IGSF11: variants seen among roughly 807,000 people sequenced by gnomAD.
The protein encoded by IGSF11 is immunoglobulin superfamily member 11, also known as CXADR like 1.
IGSF11 carries 22 observed loss-of-function variants against 41.0 expected under a neutral mutation model. The ratio of observed to expected loss-of-function variants is 0.54; its 90% CI spans 0.38 to 0.77. The LOEUF is 0.77. Ranked by LOEUF, IGSF11 falls within the 30% of genes least tolerant of loss-of-function variation. IGSF11 has a pLI of 0.00. For missense variants in IGSF11, 444 were observed against 530.8 expected, an observed-to-expected ratio of 0.84 and a Z score of 1.61; for synonymous variants, 219 against 201.3, an observed-to-expected ratio of 1.09 and a Z score of -0.74.
chr3:118,974,825 C>T (rs569965408), intron 1 of IGSF11, among the ~76,000 whole-genome samples: 1 of 151,966 alleles, frequency 6.6e-6, no homozygotes, highest in African/African-American at 2.4e-5. Flanking sequence ...ATCACTATTA[C>T]TTTCTTCTTT....
At chr3:119,051,771 C>T (rs528637968) in intron 1 of IGSF11, among the ~76,000 whole-genome samples, 1 of 152,106 alleles carries the variant, frequency 6.6e-6, no homozygotes, top group Non-Finnish European at 1.5e-5. Context: ...GAAATTATAT[C>T]AAGTATTCTC....
chr3:119,074,320 G>C lies in IGSF11; in HGVS notation c.49+30824C>G, dbSNP rs1159482816. On this transcript the variant is annotated intron_variant, in intron 1 of 6. Transcript: ENST00000354673. The stretch of plus-strand genomic sequence containing the variant: ...AGAAATAACACCAACTACATTCATG[G>C]ACCACAGTGCAATAAAAAAAGAAAT... Among the ~76,000 whole-genome samples, 3 of 151,888 alleles carry C rather than the reference G, an allele frequency of 2.0e-5. No individual in the cohort carries two copies. The East Asian group carries it at 5.8e-4, about 29-fold the overall frequency.
rs531199817 is a variant in IGSF11, at chr3:119,051,736, A to C, written c.49+53408T>G. Among the ~76,000 whole-genome samples the C allele has an allele frequency of 2.6e-5, 4 of 152,302 alleles. No individual in the cohort carries two copies. The East Asian group carries it at 7.7e-4, about 29-fold the overall frequency. ...TAGACCATATGATAGGTCACAAAAC[A>C]AGTCTCAATAAATTTAAGAAAATTG... is the stretch of plus-strand genomic sequence containing the variant. On this transcript the variant is annotated intron_variant, in intron 1 of 6. Transcript: ENST00000354673.
At chr3:118,919,279 A>C (rs1471885729) in intron 4 of IGSF11, among the ~76,000 whole-genome samples, 1 of 141,332 alleles carries the variant, frequency 7.1e-6, no homozygotes, top group African/African-American at 2.9e-5. Context: ...TAAACTAAAG[A>C]GTTTCTGCAC....
chr3:118,983,945 T>A (rs1934997314), intron 1 of IGSF11, among the ~76,000 whole-genome samples: 2 of 152,302 alleles, frequency 1.3e-5, no homozygotes, highest in South Asian at 4.1e-4. Flanking sequence ...TTCTGCTTTT[T>A]TAGCTTCCGT....
chr3:119,053,970 A>G (rs908137996), intron 1 of IGSF11, among the ~76,000 whole-genome samples: 2 of 152,194 alleles, frequency 1.3e-5, no homozygotes, highest in African/African-American at 4.8e-5. Context: ...CCACATGTAG[A>G]AGAATGAAAC....
intron 1 of IGSF11, among the ~76,000 whole-genome samples, chr3:118,940,798 T>A (rs1036417943): frequency 2.0e-5 from 3 of 151,494 alleles, no homozygotes; most frequent in Non-Finnish European, 4.4e-5. Flanking sequence ...AAAAATTGAT[T>A]CATACATAAA....
Position 118,976,957 on chromosome 3 carries a change from A to G in IGSF11, c.53-46682T>C, listed in dbSNP as rs550276163. Among the ~76,000 whole-genome samples the G allele has an allele frequency of 9.8e-5, 15 of 152,344 alleles. No homozygotes were observed. The South Asian group carries it at 3.1e-3, about 32-fold the overall frequency. Reference sequence around the variant, plus strand: ...TGTCACCCACTTCTGTAGGAAAAAAAGAGATACTGAATTTTACCAGCTGCT... The same window carrying G: ...TGTCACCCACTTCTGTAGGAAAAAAGGAGATACTGAATTTTACCAGCTGCT... On this transcript the variant is annotated intron_variant, in intron 1 of 6. Coordinates refer to ENST00000393775, the MANE Select transcript of IGSF11 (RefSeq NM_001015887.3).
chr3:119,124,093 A>T (rs1217232417), intron 1 of IGSF11, among the ~76,000 whole-genome samples: 1 of 152,168 alleles, frequency 6.6e-6, no homozygotes, highest in Non-Finnish European at 1.5e-5. Flanking sequence ...TGTGTTGAGG[A>T]AATTCAAAGA....
At chr3:119,022,610 GA>G (rs965697762) in intron 1 of IGSF11, among the ~76,000 whole-genome samples, 12 of 152,110 alleles carry the variant, frequency 7.9e-5, no homozygotes, top group Non-Finnish European at 1.8e-4. Context: ...GTAAAAAGGG[GA>G]AAAGGTGCGT....
intron 1 of IGSF11, among the ~76,000 whole-genome samples, chr3:118,959,561 C>T (rs1394629432): frequency 6.6e-6 from 1 of 152,180 alleles, no homozygotes; most frequent in African/African-American, 2.4e-5. Context: ...CCATTCTTAG[C>T]CAGTTGTCAC....
At chr3:118,976,352 T>C (rs1243172958) in intron 1 of IGSF11, among the ~76,000 whole-genome samples, 4 of 152,240 alleles carry the variant, frequency 2.6e-5, no homozygotes, top group Non-Finnish European at 4.4e-5. Context: ...GGCTCAAACC[T>C]TGAAGCTATC....
In IGSF11 at chr3:119,002,564, T is replaced by C. The variant is rs879737775; in HGVS notation, c.52+31967A>G. On this transcript the variant is annotated intron_variant, in intron 1 of 6. Coordinates refer to ENST00000393775, the MANE Select transcript of IGSF11 (RefSeq NM_001015887.3). ...TCCTTGCCCACGCCTATGTCCTGAATGGTAATGCCTAGGTTTTCTTCTAGG... is the reference window on the plus strand; with the variant it reads ...TCCTTGCCCACGCCTATGTCCTGAACGGTAATGCCTAGGTTTTCTTCTAGG... Among the ~76,000 whole-genome samples, 1,134 of 137,346 alleles carry C rather than the reference T, an allele frequency of 8.3e-3. 12 individuals are homozygous for C. The highest frequency in any genetic ancestry group is 0.046 in the East Asian group (217 of 4,674). 90.1% of individuals were successfully genotyped at this position (137,346 alleles called of 152,430 possible).
intron 4 of IGSF11, among the ~76,000 whole-genome samples, chr3:118,909,233 T>C (rs756725496): frequency 9.9e-5 from 15 of 152,138 alleles, no homozygotes; most frequent in Non-Finnish European, 1.5e-4. Flanking sequence ...ATATGACTTA[T>C]ATATTTTAAA....
At chr3:118,940,485 T>C (rs898058431) in intron 1 of IGSF11, among the ~76,000 whole-genome samples, 2 of 152,062 alleles carry the variant, frequency 1.3e-5, no homozygotes, top group Non-Finnish European at 2.9e-5. Flanking sequence ...ATCTGTAAGA[T>C]CTGTGCAATG....
chr3:119,078,995 T>C (rs1407751734), intron 1 of IGSF11, among the ~76,000 whole-genome samples: 2 of 152,054 alleles, frequency 1.3e-5, no homozygotes, highest in African/African-American at 4.8e-5. Flanking sequence ...TCACTAATCA[T>C]TAAAGAAATG....
At chr3:119,110,214 TGTGGG>T (rs1266691435), upstream of IGSF11, among the ~76,000 whole-genome samples, 10 of 152,106 alleles carry the variant, frequency 6.6e-5, no homozygotes, top group African/African-American at 2.4e-4. Flanking sequence ...ATTATTATTG[TGTGGG>T]AGTCTAAGTC....
At chr3:119,106,353 C>T (rs1009304740), upstream of IGSF11, among the ~76,000 whole-genome samples, 6 of 152,268 alleles carry the variant, frequency 3.9e-5, no homozygotes, top group Non-Finnish European at 5.9e-5. Context: ...CATTTCCCCC[C>T]GAACTTCCCA....
intron 1 of IGSF11, among the ~76,000 whole-genome samples, chr3:119,066,413 C>A (rs1222994429): frequency 6.6e-6 from 1 of 152,162 alleles, no homozygotes; most frequent in Non-Finnish European, 1.5e-5. Flanking sequence ...TTGGGATATT[C>A]TCAGCTGTAA....
Sources: gnomAD v4.1 joint callset for allele counts (sites outside exome capture counted in the v4.1 genomes callset) on GRCh38, gnomAD v4.1.1 for gene constraint, MANE v1.5 for transcripts, NCBI Gene and HGNC (gene_info 2026-07-23, HGNC 2026-07-21) for gene names.